PHF10: variants seen among roughly 807,000 people sequenced by gnomAD.
The protein encoded by PHF10 is PHD finger protein 10.
PHF10 carries 51 observed loss-of-function variants against 68.5 expected under a neutral mutation model. That is an observed-to-expected ratio of 0.74 (90% CI 0.59 to 0.94). The LOEUF is 0.94. PHF10 is among the 40% of genes least tolerant of loss of function. The pLI, the probability that PHF10 is intolerant of heterozygous loss-of-function variation, is 0.00. For missense variants in PHF10, 460 were observed against 602.6 expected, an observed-to-expected ratio of 0.76 and a Z score of 2.48; for synonymous variants, 204 against 203.5, an observed-to-expected ratio of 1.00 and a Z score of -0.02.
At chr6:169,717,137 A>T (rs1331151109) in intron 4 of PHF10, among the ~76,000 whole-genome samples, 1 of 152,248 alleles carries the variant, frequency 6.6e-6, no homozygotes, top group East Asian at 1.9e-4. Context: ...CTGTAGTACC[A>T]GCTACTCGGT....
intron 6 of PHF10, 94 bp from the exon 7 acceptor site, chr6:169,714,936 T>C (rs1186889218): frequency 5.5e-6 from 4 of 724,328 alleles, no homozygotes; most frequent in South Asian, 1.6e-5. Context: ...GCACGCCCAC[T>C]TCCCCCTCGA....
At chr6:169,718,939 T>A in intron 2 of PHF10, 21 bp from the exon 3 acceptor site, 2 of 1,460,098 alleles carry the variant, frequency 1.4e-6, no homozygotes, top group Non-Finnish European at 1.9e-6. Flanking sequence ...AAATACATAT[T>A]ATGCATTAAA....
At chr6:169,714,314 C>G (rs943072727) in intron 7 of PHF10, among the ~76,000 whole-genome samples, 4 of 152,216 alleles carry the variant, frequency 2.6e-5, no homozygotes, top group African/African-American at 9.7e-5. Flanking sequence ...GTCAGTGTTT[C>G]TCAAACTCTA....
chr6:169,715,687 A>C, intron 6 of PHF10, 21 bp downstream of exon 6: 2 of 1,600,450 alleles, frequency 1.2e-6, no homozygotes, highest in Non-Finnish European at 1.7e-6. Flanking sequence ...TTCAGGGGGT[A>C]CTAAATTTAA....
At chr6:169,704,326 G>A (rs1361550647) in intron 11 of PHF10, 2 of 459,798 alleles carry the variant, frequency 4.3e-6, no homozygotes, top group Non-Finnish European at 7.8e-6. Flanking sequence ...ATGCCATACG[G>A]TGATACGGAC....
chr6:169,704,287 T>G lies in PHF10; in HGVS notation c.1412-199A>C, dbSNP rs896739206. ...GTAATCAATGCCATGCAAAATTCATTGCAAGTCAAGGGGGATGGGAGAGAT... is the reference window on the plus strand; with the variant it reads ...GTAATCAATGCCATGCAAAATTCATGGCAAGTCAAGGGGGATGGGAGAGAT... On this transcript the variant is annotated intron_variant, in intron 11 of 11. Coordinates refer to ENST00000339209, the MANE Select transcript of PHF10 (RefSeq NM_018288.4). 6 of 514,454 alleles carry G rather than the reference T, an allele frequency of 1.2e-5. No individual in the cohort carries two copies. In the African/African-American group the frequency reaches 1.2e-4, roughly 10 times the overall value. 31.9% of individuals were successfully genotyped at this position (514,454 alleles called of 1,614,324 possible).
rs746497279 is a variant in PHF10, at chr6:169,717,815, A to G, written c.409+8T>C. 2.3e-5 allele frequency: 30 copies of G among 1,282,362 alleles called. No individual in the cohort carries two copies. Among genetic ancestry groups the G allele is most frequent in the Non-Finnish European group, 2.9e-5 (26 of 889,480 alleles). The allele number at this position is 1,282,362 out of a possible 1,614,324, so 79.4% of individuals were successfully genotyped here. On this transcript the variant is annotated splice_region_variant and intron_variant, in intron 4 of 11. Coordinates refer to ENST00000339209, the MANE Select transcript of PHF10 (RefSeq NM_018288.4). ...CTTGAAAAATTCACATTAAAAAGCT[A>G]TTCTTACCTAGAGTGCACTGAGTTT... is the stretch of plus-strand genomic sequence containing the variant.
rs1260148004 is a variant in PHF10 at position 169,704,074 on chromosome 6, C to T, written c.1426G>A (p.Asp476Asn). Residue 476 changes from aspartate (D) to asparagine (N), a missense_variant, in exon 12 of 12, where the codon GAC becomes AAC. Asp to Asn is a conservative substitution (Grantham distance 23). This residue lies in a region of PHF10 where 111 missense variants were observed against 109.7 expected (regional missense o/e 1.01). Coordinates refer to ENST00000339209, the MANE Select transcript of PHF10 (RefSeq NM_018288.4). ...GAIPSGRWIC[D>N]CCQRAPPTPR... ...GTTGGGGGGGCCCGCTGACAACAGT[C>T]ACAAATCCAGCGACCTAGGAAAAAA... The T allele has an allele frequency of 3.2e-6, 5 of 1,580,428 alleles. No homozygotes were observed. In the African/African-American group the frequency reaches 6.9e-5, roughly 22 times the overall value.
At chr6:169,721,944 T>C (rs1381343882) in intron 1 of PHF10, among the ~76,000 whole-genome samples, 2 of 152,168 alleles carry the variant, frequency 1.3e-5, no homozygotes, top group Non-Finnish European at 2.9e-5. Context: ...AAAGAGGCAA[T>C]ATGGTATAGT....
At chr6:169,720,185 G>A (rs1357730692) in intron 2 of PHF10, among the ~76,000 whole-genome samples, 1 of 152,098 alleles carries the variant, frequency 6.6e-6, no homozygotes, top group Non-Finnish European at 1.5e-5. Context: ...GAAATATGAA[G>A]AAACTGGAAA....
In PHF10 at chr6:169,724,304, CA is replaced by C. The variant is rs1789270705; in HGVS notation, c.-374del. On this transcript the variant is annotated 5_prime_UTR_variant, in exon 1 of 12. Transcript: ENST00000339209. ...CCCCCCACAGCTCCGCCGCTGGCCTCAGCGCCGCCGCGACTCCCTTCAGCCC... is the reference window on the plus strand; with the variant it reads ...CCCCCCACAGCTCCGCCGCTGGCCTCGCGCCGCCGCGACTCCCTTCAGCCC... Among the ~76,000 whole-genome samples, 1 of 134,054 alleles carries C rather than the reference CA, an allele frequency of 7.5e-6. No homozygotes were observed. The allele number at this position is 134,054 out of a possible 152,430, so 87.9% of individuals were successfully genotyped here. A position where few individuals can be genotyped will look rare whatever the true frequency, so the allele number is the denominator to read the frequency against.
chr6:169,706,737 C>T (rs398048358), intron 9 of PHF10, among the ~76,000 whole-genome samples: 2,813 of 81,102 alleles, frequency 0.035, 22 homozygotes, highest in African/African-American at 0.045. Flanking sequence ...TACACACACA[C>T]ACACACACAC....
chr6:169,721,184 G>A (rs957183951), intron 1 of PHF10, 73 bp from the exon 2 acceptor site: 6 of 862,804 alleles, frequency 7.0e-6, no homozygotes, highest in Non-Finnish European at 1.1e-5. Context: ...ATAAATGAAA[G>A]ACTGTCTAAG....
In PHF10 at chr6:169,715,851, G is replaced by A; in HGVS notation, c.550C>T (p.Gln184Ter). The change falls in exon 6 of 12, where the codon CAA becomes TAA. Residue 184 changes from glutamine to a stop codon, truncating the protein, a stop_gained. Coordinates refer to ENST00000339209, the MANE Select transcript of PHF10 (RefSeq NM_018288.4). LOFTEE classifies it high-confidence loss of function. ...TCAACTTTCTGAGTATTCTGTTGTTGCATTTGCTGGAAAAAAAAAATACAG... is the reference window on the plus strand; with the variant it reads ...TCAACTTTCTGAGTATTCTGTTGTTACATTTGCTGGAAAAAAAAAATACAG... ...TDHYKEYSQM[Q>*]QQNTQKVEAS... The A allele has an allele frequency of 6.2e-7, 1 of 1,604,526 alleles. No individual in the cohort carries two copies. Among genetic ancestry groups the A allele is most frequent in the Non-Finnish European group, 8.5e-7 (1 of 1,175,896 alleles).
At chr6:169,723,754 C>A in intron 1 of PHF10, 91 bp downstream of exon 1, 1 of 357,854 alleles carries the variant, frequency 2.8e-6, no homozygotes, top group South Asian at 1.1e-4. Flanking sequence ...GCCCCCGAGA[C>A]GCTGGGCGGC....
chr6:169,706,272 C>T (rs1475181752), intron 9 of PHF10, among the ~76,000 whole-genome samples: 1 of 152,096 alleles, frequency 6.6e-6, no homozygotes, highest in Non-Finnish European at 1.5e-5. Context: ...CTCATGCATA[C>T]ATTGGCGTGT....
intron 9 of PHF10, chr6:169,706,949 A>G (rs1451432911): frequency 6.6e-6 from 1 of 152,192 alleles, no homozygotes; most frequent in Non-Finnish European, 1.5e-5. Context: ...CCACCTTCAT[A>G]ACCTGTTAGA....
rs1788759023 is a variant in PHF10, at chr6:169,705,672, G to C, written c.1166C>G (p.Ser389Cys). 6.3e-7 allele frequency: 1 copy of C among 1,595,226 alleles called. No homozygotes were observed. The highest frequency in any genetic ancestry group is 8.6e-7 in the Non-Finnish European group (1 of 1,162,942). Residue 389 changes from serine (S) to cysteine (C), a missense_variant, in exon 10 of 12, where the codon TCC (serine) becomes TGC (cysteine). Transcript: ENST00000339209. The stretch of plus-strand genomic sequence containing the variant: ...TGATTCAGCCTTTCCTTTCTTGTTG[G>C]ACTCCTTACCCTTCAGACAAATTCC... ...ICGICLKGKE[S>C]NKKGKAESLI...
chr6:169,716,150 A>G, intron 4 of PHF10, 62 bp from the exon 5 acceptor site: 1 of 1,172,590 alleles, frequency 8.5e-7, no homozygotes, highest in South Asian at 1.9e-5. Context: ...GAACAAAAGC[A>G]CTCTTCAAAA....
Sources: gnomAD v4.1 joint callset for allele counts (sites outside exome capture counted in the v4.1 genomes callset) on GRCh38, gnomAD v4.1.1 for gene constraint, gnomAD v4.1.1 regional missense constraint, MANE v1.5 for transcripts, NCBI Gene and HGNC (gene_info 2026-07-23, HGNC 2026-07-21) for gene names.